The following SLC47A2 variants were observed in gnomAD, a reference collection of about 807,000 sequenced individuals.
SLC47A2 encodes multidrug and toxin extrusion protein 2.
SLC47A2 carries 52 observed loss-of-function variants against 67.7 expected under a neutral mutation model. That is an observed-to-expected ratio of 0.77 (90% confidence interval 0.61 to 0.97). The LOEUF is 0.97. Among genes scored for constraint, SLC47A2 ranks in the 50% least tolerant of loss-of-function variants. The probability of loss-of-function intolerance (pLI) is 0.00; values close to 1 mark genes in which losing one functional copy is unlikely to be tolerated. For missense variants in SLC47A2, 676 were observed against 712.3 expected (o/e 0.95, Z 0.58); for synonymous variants, 278 against 292.9 (o/e 0.95, Z 0.52).
upstream of SLC47A2, chr17:19,716,625 C>T (rs553096515): frequency 2.0e-6 from 3 of 1,487,358 alleles, no homozygotes; most frequent in Non-Finnish European, 2.7e-6. Context: ...AGCGAGCCAC[C>T]CCCTGCCTGG....
At chr17:19,699,130 G>A (rs189232369) in intron 13 of SLC47A2, among the ~76,000 whole-genome samples, 185 of 152,018 alleles carry the variant, frequency 1.2e-3, no homozygotes, top group African/African-American at 4.3e-3. Context: ...CCCAGAAATA[G>A]ACCCATACAA....
At position 19,713,895 on chromosome 17, in the gene SLC47A2, G is replaced by T. The variant is rs141717616; in HGVS notation, c.373C>A (p.Pro125Thr). The T allele has an allele frequency of 6.2e-7, 1 of 1,613,772 alleles. No homozygotes were observed. Among genetic ancestry groups the T allele is most frequent in the African/African-American group, 1.3e-5 (1 of 74,932 alleles). ...GTGTTGAGGAAGAGCGCCCAGCAAG[G>T]GAGGCAGCAGAGGAGCAGGACCAGC... is the stretch of plus-strand genomic sequence containing the variant. ...GALVLLLCCL[P>T]CWALFLNTQH... Residue 125 changes from proline to threonine, a missense_variant, in exon 4 of 17, where the codon CCT becomes ACT. Coordinates refer to ENST00000433844, the MANE Select transcript of SLC47A2 (RefSeq NM_001099646.3).
chr17:19,711,608 A>G (rs924573785), intron 5 of SLC47A2, among the ~76,000 whole-genome samples: 3 of 148,642 alleles, frequency 2.0e-5, no homozygotes, highest in East Asian at 2.0e-4. Flanking sequence ...AAAAAAAAAA[A>G]AAAAAAAAGA....
upstream of SLC47A2, chr17:19,718,414 G>C (rs888566129): frequency 3.3e-5 from 5 of 152,518 alleles, no homozygotes; most frequent in Admixed American, 3.3e-4. Context: ...CCCCCACCAA[G>C]CTGGAAGGTG....
intron 15 of SLC47A2, 65 bp downstream of exon 15, chr17:19,681,302 A>T: frequency 7.5e-7 from 1 of 1,341,460 alleles, no homozygotes; most frequent in Non-Finnish European, 1.0e-6. Context: ...CTGGCTGAGT[A>T]GTCACTCCAC....
intron 13 of SLC47A2, among the ~76,000 whole-genome samples, chr17:19,697,647 A>G (rs1248244401): frequency 6.6e-6 from 1 of 152,026 alleles, no homozygotes; most frequent in East Asian, 1.9e-4. Context: ...GAGTGCAGTG[A>G]TGCAGTCATA....
intron 13 of SLC47A2, among the ~76,000 whole-genome samples, chr17:19,683,666 C>G (rs1358177807): frequency 3.9e-5 from 6 of 152,200 alleles, no homozygotes; most frequent in Admixed American, 3.9e-4. Flanking sequence ...TGAAGAGACC[C>G]GTAGTACCCA....
intron 13 of SLC47A2, among the ~76,000 whole-genome samples, chr17:19,701,187 A>T (rs1309801372): frequency 6.6e-6 from 1 of 151,336 alleles, no homozygotes; most frequent in Non-Finnish European, 1.5e-5. Context: ...AAAAAAAAAA[A>T]ATAGTATCCT....
chr17:19,697,928 T>C (rs1262252414), intron 13 of SLC47A2, among the ~76,000 whole-genome samples: 1 of 151,952 alleles, frequency 6.6e-6, no homozygotes, highest in African/African-American at 2.4e-5. Flanking sequence ...AAGACTAAAA[T>C]AGAAATTTCA....
rs755419486 is a variant in SLC47A2, at chr17:19,679,982, G to A, written c.1450C>T (p.Pro484Ser). 3.1e-6 allele frequency: 5 copies of A among 1,614,034 alleles called. No homozygotes were observed. The highest frequency in any genetic ancestry group is 4.2e-6 in the Non-Finnish European group (5 of 1,179,962). The change falls in exon 16 of 17, where the codon CCT becomes TCT. Residue 484 changes from proline (P) to serine (S), a missense_variant. Coordinates refer to ENST00000433844, the MANE Select transcript of SLC47A2 (RefSeq NM_001099646.3). ...GATAGGACTGCTTTCTCAGGCCCAG[G>A]TCTGGTTGCAGTGCTCTCTGCTCTC... ...QQRAESTATRPGPEKAVLSSV... is the reference protein window; with the variant it reads ...QQRAESTATRSGPEKAVLSSV...
At chr17:19,715,701 T>TG (rs1485015294) in intron 1 of SLC47A2, 4 of 129,706 alleles carry the variant, frequency 3.1e-5, no homozygotes, top group South Asian at 2.6e-4. Context: ...GGTTTTGTTT[T>TG]TTTTGTTTTT....
At chr17:19,705,289 C>T in intron 10 of SLC47A2, 147 bp downstream of exon 10, 1 of 708,738 alleles carries the variant, frequency 1.4e-6, no homozygotes, top group East Asian at 3.0e-5. Flanking sequence ...GTAAGCTGAG[C>T]AGGGTCTGGA....
In SLC47A2 at chr17:19,706,630, C is replaced by T. The variant is rs753397320; in HGVS notation, c.841+18G>A. On this transcript the variant is annotated intron_variant, in intron 9 of 16. Transcript: ENST00000433844. ...AGCCGCCCACACGCCATTGCGCCCC[C>T]CATCCTCTTCCACGTACCCATGAGG... is the stretch of plus-strand genomic sequence containing the variant. The T allele has an allele frequency of 1.2e-5, 18 of 1,564,268 alleles. No homozygotes were observed. Among genetic ancestry groups the T allele is most frequent in the African/African-American group, 4.2e-5 (3 of 71,822 alleles).
chr17:19,700,393 C>T (rs181842973), intron 13 of SLC47A2, among the ~76,000 whole-genome samples: 1 of 152,288 alleles, frequency 6.6e-6, no homozygotes, highest in Non-Finnish European at 1.5e-5. Context: ...CTCTGTAAAC[C>T]TGACTCGGAG....
intron 1 of SLC47A2, 65 bp downstream of exon 1, chr17:19,716,368 G>C: frequency 6.5e-7 from 1 of 1,527,692 alleles, no homozygotes; most frequent in Non-Finnish European, 8.8e-7. Flanking sequence ...CTGCCTGCAA[G>C]GCAGACACCC....
chr17:19,702,476 CT>C, intron 13 of SLC47A2, 128 bp downstream of exon 13: 1 of 1,490,382 alleles, frequency 6.7e-7, no homozygotes, highest in Middle Eastern at 2.0e-4. Context: ...ACTTTGGGCA[CT>C]TACTATACAG....
intron 11 of SLC47A2, 51 bp from the exon 12 acceptor site, chr17:19,703,218 C>A: frequency 6.4e-7 from 1 of 1,564,550 alleles, no homozygotes; most frequent in Non-Finnish European, 8.8e-7. Context: ...CAGGAAGCAC[C>A]CTTGCTCAGA....
At position 19,683,299 on chromosome 17, in the gene SLC47A2, A is replaced by G. The variant is rs372760482; in HGVS notation, c.1165-1629T>C. ...CAAGGATGCTGCTAAACATCCTACA[A>G]TGCCCAGGGGACCGCCCTCCCCCCA... is the stretch of plus-strand genomic sequence containing the variant. On this transcript the variant is annotated intron_variant, in intron 13 of 16. Coordinates refer to ENST00000433844, the MANE Select transcript of SLC47A2 (RefSeq NM_001099646.3). Among the ~76,000 whole-genome samples the G allele has an allele frequency of 3.9e-5, 6 of 152,286 alleles. No individual in the cohort carries two copies. In the East Asian group the frequency reaches 5.8e-4, roughly 15 times the overall value.
At chr17:19,704,013 C>A in intron 11 of SLC47A2, 57 bp downstream of exon 11, 1 of 1,375,874 alleles carries the variant, frequency 7.3e-7, no homozygotes, top group Non-Finnish European at 1.0e-6. Flanking sequence ...TTCCTGTGGC[C>A]CAGGCTGGTG....
Sources: allele counts gnomAD v4.1 joint callset (sites outside exome capture counted in the v4.1 genomes callset), GRCh38; gene constraint gnomAD v4.1.1; transcripts MANE v1.5; gene names NCBI Gene and HGNC (gene_info 2026-07-23, HGNC 2026-07-21).